NEBL: variants seen among roughly 807,000 people sequenced by gnomAD.
NEBL encodes the protein LIM and SH3 protein 2.
NEBL carries 122 observed loss-of-function variants against 140.2 expected under a neutral mutation model. The observed-to-expected ratio is 0.87, with a 90% CI of 0.75 to 1.01. The LOEUF is 1.01. Among genes scored for constraint, NEBL ranks in the 50% least tolerant of loss-of-function variants. The pLI is 0.00. For synonymous variants in NEBL, 436 were observed against 398.9 expected, an observed-to-expected ratio of 1.09 and a Z score of -1.11; for missense variants, 1,365 against 1,231.3, an observed-to-expected ratio of 1.11 and a Z score of -1.62.
chr10:20,927,017 C>T (rs1053890830), intron 4 of NEBL, among the ~76,000 whole-genome samples: 1 of 152,112 alleles, frequency 6.6e-6, no homozygotes, highest in Non-Finnish European at 1.5e-5. Context: ...CTGCACTAGG[C>T]AGTGGTGGTG....
At chr10:20,929,655 T>G in intron 4 of NEBL, among the ~76,000 whole-genome samples, 1 of 149,302 alleles carries the variant, frequency 6.7e-6, no homozygotes. Context: ...ACTCAGGAAG[T>G]CAGATACCAC....
At chr10:20,952,332 G>A (rs1238497122) in intron 4 of NEBL, among the ~76,000 whole-genome samples, 1 of 151,748 alleles carries the variant, frequency 6.6e-6, no homozygotes, top group African/African-American at 2.4e-5. Context: ...AGCTACTAGG[G>A]AGGCTGAGGC....
Position 20,812,856 on chromosome 10 carries a change from T to C in NEBL, c.2431A>G (p.Lys811Glu). The change falls in exon 24 of 28, where the codon AAG (lysine) becomes GAG (glutamate). Residue 811 changes from lysine (K) to glutamate (E), a missense_variant. Lys to Glu is a moderately conservative substitution (Grantham distance 56). Coordinates refer to ENST00000377122, the MANE Select transcript of NEBL (RefSeq NM_006393.3). ...VDDPVTERVRKNTQVVSDAAY... is the reference protein window; with the variant it reads ...VDDPVTERVRENTQVVSDAAY... ...GCATCGCTGACCACCTGGGTGTTCT[T>C]CCTCACTCTCTCTGTCACAGGATCG... 6.2e-7 allele frequency: 1 copy of C among 1,614,052 alleles called. No individual in the cohort carries two copies. Among genetic ancestry groups the C allele is most frequent in the Non-Finnish European group, 8.5e-7 (1 of 1,179,924 alleles).
intron 4 of NEBL, among the ~76,000 whole-genome samples, chr10:20,932,267 CA>C (rs1656003529): frequency 6.6e-6 from 1 of 152,126 alleles, no homozygotes; most frequent in Non-Finnish European, 1.5e-5. Context: ...ATGTCCTTTG[CA>C]GGGACATGGA....
intron 3 of NEBL, among the ~76,000 whole-genome samples, chr10:20,995,382 T>C (rs1348222207): frequency 2.6e-5 from 4 of 152,130 alleles, no homozygotes; most frequent in Non-Finnish European, 5.9e-5. Context: ...TTGGTCACCT[T>C]TTCGGTGCAG....
At chr10:21,015,101 C>G (rs1838501290) in intron 3 of NEBL, among the ~76,000 whole-genome samples, 2 of 152,230 alleles carry the variant, frequency 1.3e-5, no homozygotes, top group Admixed American at 1.3e-4. Context: ...TTGCAAATAG[C>G]TAAGCCAAGC....
At chr10:21,135,765 G>T (rs1221476320) in intron 2 of NEBL, among the ~76,000 whole-genome samples, 1 of 152,006 alleles carries the variant, frequency 6.6e-6, no homozygotes, top group African/African-American at 2.4e-5. Flanking sequence ...AGTGGGTCTG[G>T]GACTGTCCCA....
At chr10:20,861,149 G>A (rs116973001) in intron 7 of NEBL, among the ~76,000 whole-genome samples, 2 of 152,010 alleles carry the variant, frequency 1.3e-5, no homozygotes, top group Non-Finnish European at 2.9e-5. Context: ...ACAGTAGGTG[G>A]CACAAAAGCA....
chr10:21,110,329 T>C (rs975670302), intron 2 of NEBL, among the ~76,000 whole-genome samples: 7 of 152,160 alleles, frequency 4.6e-5, no homozygotes, highest in African/African-American at 1.7e-4. Context: ...TAAATACAAA[T>C]TTAAGTTTCT....
intron 2 of NEBL, chr10:21,125,850 C>G: frequency 6.2e-7 from 1 of 1,613,094 alleles, no homozygotes; most frequent in Non-Finnish European, 8.5e-7. Flanking sequence ...TCAGCACCTT[C>G]TTAGATACGT....
At chr10:21,187,060 C>G (rs1323250684) in intron 3 of NEBL, among the ~76,000 whole-genome samples, 2 of 149,666 alleles carry the variant, frequency 1.3e-5, no homozygotes, top group Non-Finnish European at 3.0e-5. Context: ...AGTTTTTATT[C>G]TACCTTTATT....
rs1042251947 is a variant in NEBL, at chr10:20,831,020, C to G, written c.1671+176G>C. 2.0e-5 allele frequency: 12 copies of G among 585,600 alleles called. No individual in the cohort carries two copies. The African/African-American group carries it at 2.2e-4, about 11-fold the overall frequency. The allele number at this position is 585,600 out of a possible 1,614,324, so 36.3% of individuals were successfully genotyped here. ...AATGTCTGTTGCATTGAATCTATGA[C>G]TGTTGTCCTATTAATTAGTACGGTT... On this transcript the variant is annotated intron_variant, in intron 16 of 27. Transcript: ENST00000377122.
At chr10:20,868,341 TA>T in intron 7 of NEBL, 1 of 273,184 alleles carries the variant, frequency 3.7e-6, no homozygotes, top group Non-Finnish European at 7.0e-6. Flanking sequence ...TGTGTGTGTG[TA>T]GGTTAAAACA....
At chr10:21,198,686 G>C (rs1589325624) in intron 3 of NEBL, among the ~76,000 whole-genome samples, 1 of 152,054 alleles carries the variant, frequency 6.6e-6, no homozygotes, top group Non-Finnish European at 1.5e-5. Context: ...TACTTGCCTA[G>C]TCTTCCATAC....
intron 1 of NEBL, among the ~76,000 whole-genome samples, chr10:21,254,888 C>T (rs191447857): frequency 4.7e-4 from 71 of 152,022 alleles, no homozygotes; most frequent in African/African-American, 1.7e-3. Context: ...ACACCAGGGC[C>T]GCTGGTCTAG....
chr10:21,213,180 C>T (rs1380535070), intron 3 of NEBL, among the ~76,000 whole-genome samples: 2 of 152,208 alleles, frequency 1.3e-5, no homozygotes, highest in Non-Finnish European at 2.9e-5. Context: ...TCTGTTTACT[C>T]ACTAATACTC....
intron 3 of NEBL, among the ~76,000 whole-genome samples, chr10:21,223,211 C>A (rs181954555): frequency 6.6e-6 from 1 of 152,346 alleles, no homozygotes; most frequent in African/African-American, 2.4e-5. Flanking sequence ...CTACTCTTCC[C>A]AGCCTCTGGT....
intron 4 of NEBL, among the ~76,000 whole-genome samples, chr10:20,936,550 A>G (rs943911165): frequency 6.6e-6 from 1 of 152,234 alleles, no homozygotes; most frequent in African/African-American, 2.4e-5. Context: ...TCCTTTTACA[A>G]TTAGGTCTGG....
chr10:21,271,940 A>G (rs1015920470), intron 1 of NEBL, among the ~76,000 whole-genome samples: 1 of 151,894 alleles, frequency 6.6e-6, no homozygotes, highest in African/African-American at 2.4e-5. Context: ...TCAAAACATC[A>G]CATTGTACAT....
Sources: allele counts gnomAD v4.1 joint callset (sites outside exome capture counted in the v4.1 genomes callset), GRCh38; gene constraint gnomAD v4.1.1; transcripts MANE v1.5; gene names NCBI Gene and HGNC (gene_info 2026-07-23, HGNC 2026-07-21).